The following NDC1 variants were observed in gnomAD, a reference collection of about 807,000 sequenced individuals.
NDC1 encodes the protein NDC1 transmembrane nucleoporin.
A neutral mutation model predicts 89.8 loss-of-function variants in NDC1; 24 were observed. That is an observed-to-expected ratio of 0.27 (90% CI 0.19 to 0.38). The LOEUF is 0.38. Among genes scored for constraint, NDC1 ranks in the 10% least tolerant of loss-of-function variants. NDC1 has a pLI of 1.00. For missense variants in NDC1, 728 were observed against 797.6 expected, an observed-to-expected ratio of 0.91 and a Z score of 1.05; for synonymous variants, 296 against 284.8, an observed-to-expected ratio of 1.04 and a Z score of -0.39.
chr1:53,768,602 T>G (rs994852504), intron 17 of NDC1, among the ~76,000 whole-genome samples: 4 of 152,180 alleles, frequency 2.6e-5, no homozygotes, highest in African/African-American at 9.7e-5. Flanking sequence ...CTTGATAAAA[T>G]TAGGGCAAAT....
rs189372893 is a variant in NDC1 at position 53,789,925 on chromosome 1, G to A, written c.1636-729C>T. Among the ~76,000 whole-genome samples, 91 of 151,918 alleles carry A rather than the reference G, an allele frequency of 6.0e-4. 1 individual carries two copies. The highest frequency in any genetic ancestry group is 9.7e-4 in the Non-Finnish European group (66 of 67,948). On this transcript the variant is annotated intron_variant, in intron 14 of 17. Transcript: ENST00000371429. The stretch of plus-strand genomic sequence containing the variant: ...TTGAGACCAGCCTGGCCAACATGCT[G>A]AAACCCCATCTCTACTAAAATACAA...
At chr1:53,818,698 C>T (rs533978071) in intron 6 of NDC1, among the ~76,000 whole-genome samples, 24 of 152,156 alleles carry the variant, frequency 1.6e-4, no homozygotes, top group African/African-American at 2.4e-4. Context: ...TTTCACTTAG[C>T]GTAATGTCCT....
chr1:53,823,639 T>G lies in NDC1; in HGVS notation c.594+2159A>C, dbSNP rs576297233. Among the ~76,000 whole-genome samples the G allele has an allele frequency of 2.5e-3, 381 of 152,310 alleles. 1 individual carries two copies. Among genetic ancestry groups the G allele is most frequent in the African/African-American group, 9.1e-3 (377 of 41,566 alleles). Reference sequence around the variant, plus strand: ...TCTCATTTTTCCCTAACACTTTCTTTTATTTTTAATATTCTTAATTTTGTT... The same window carrying G: ...TCTCATTTTTCCCTAACACTTTCTTGTATTTTTAATATTCTTAATTTTGTT... On this transcript the variant is annotated intron_variant, in intron 5 of 17. Transcript: ENST00000371429.
At chr1:53,835,743 T>G (rs1649209651) in intron 1 of NDC1, 123 bp from the exon 2 acceptor site, 1 of 750,590 alleles carries the variant, frequency 1.3e-6, no homozygotes, top group African/African-American at 1.8e-5. Context: ...ACTCAAACAT[T>G]CACTACTAGT....
Position 53,801,653 on chromosome 1 carries a change from C to T in NDC1, c.1067-805G>A, listed in dbSNP as rs76510207. On this transcript the variant is annotated intron_variant, in intron 10 of 17. Coordinates refer to ENST00000371429, the MANE Select transcript of NDC1 (RefSeq NM_018087.5). ...CCCCCATTGTAAAACTCAGGAATACCACTTAACCTACAAACACACACACAC... is the reference window on the plus strand; with the variant it reads ...CCCCCATTGTAAAACTCAGGAATACTACTTAACCTACAAACACACACACAC... Among the ~76,000 whole-genome samples, 994 of 152,258 alleles carry T rather than the reference C, an allele frequency of 6.5e-3. 15 individuals carry two copies. The highest frequency in any genetic ancestry group is 0.023 in the African/African-American group (940 of 41,554).
chr1:53,801,957 A>G (rs1647934595), intron 10 of NDC1, among the ~76,000 whole-genome samples: 1 of 152,138 alleles, frequency 6.6e-6, no homozygotes, highest in African/African-American at 2.4e-5. Context: ...GGGTTTCACC[A>G]TGTTGAAACT....
chr1:53,774,657 G>A (rs1647147002), intron 16 of NDC1, among the ~76,000 whole-genome samples: 2 of 152,174 alleles, frequency 1.3e-5, no homozygotes, highest in African/African-American at 4.8e-5. Flanking sequence ...GGGAGGCTGA[G>A]GCAGGAGGAC....
intron 14 of NDC1, among the ~76,000 whole-genome samples, chr1:53,791,181 C>A (rs529094143): frequency 1.3e-5 from 2 of 151,884 alleles, no homozygotes; most frequent in Non-Finnish European, 2.9e-5. Flanking sequence ...TTGTGATGTC[C>A]GGCCAGGCGA....
chr1:53,814,703 T>C (rs1408544322), intron 6 of NDC1, among the ~76,000 whole-genome samples: 1 of 152,022 alleles, frequency 6.6e-6, no homozygotes, highest in African/African-American at 2.4e-5. Context: ...GATAGACCAT[T>C]AGCAAGATTA....
chr1:53,785,916 T>C (rs1200146929), intron 16 of NDC1, among the ~76,000 whole-genome samples: 1 of 151,726 alleles, frequency 6.6e-6, no homozygotes, highest in Admixed American at 6.6e-5. Flanking sequence ...TTCATTTATT[T>C]ATTTATTTAT....
At chr1:53,816,400 A>C (rs539373896) in intron 6 of NDC1, among the ~76,000 whole-genome samples, 1 of 152,342 alleles carries the variant, frequency 6.6e-6, no homozygotes, top group South Asian at 2.1e-4. Context: ...AGCCACATGT[A>C]GAAGAATGAA....
chr1:53,774,713 A>G (rs1647147455), intron 16 of NDC1, among the ~76,000 whole-genome samples: 1 of 151,972 alleles, frequency 6.6e-6, no homozygotes, highest in Admixed American at 6.6e-5. Context: ...ACACAGAAAG[A>G]CTCTGTCACT....
chr1:53,838,172 G>A, intron 1 of NDC1, 33 bp downstream of exon 1: 2 of 1,524,126 alleles, frequency 1.3e-6, no homozygotes, highest in Non-Finnish European at 1.8e-6. Context: ...GCCCGACCCT[G>A]GCAGTGCGTG....
rs1648844166 is a variant in NDC1 at position 53,825,917 on chromosome 1, G to A, written c.475C>T (p.Gln159Ter). Residue 159 changes from glutamine (Q) to a stop codon, truncating the protein, a stop_gained, in exon 5 of 18, where the codon CAA (glutamine) becomes TAA (stop). Coordinates refer to ENST00000371429, the MANE Select transcript of NDC1 (RefSeq NM_018087.5). LOFTEE classifies it high-confidence loss of function. ...GTNSFGSPAA[Q>*]TCLNEYHLFF... ...AGATGATATTCATTTAAGCAGGTTT[G>A]CGCAGCAGGGCTACCAAAGCTGAAG... is the stretch of plus-strand genomic sequence containing the variant. The A allele has an allele frequency of 6.2e-7, 1 of 1,611,760 alleles. No homozygotes were observed. The highest frequency in any genetic ancestry group is 1.7e-5 in the Admixed American group (1 of 59,508).
Position 53,795,359 on chromosome 1 carries a change from C to T in NDC1, c.1584+1330G>A, listed in dbSNP as rs926663380. Among the ~76,000 whole-genome samples, 44 of 151,966 alleles carry T rather than the reference C, an allele frequency of 2.9e-4. No individual in the cohort carries two copies. In the Middle Eastern group the frequency reaches 0.017, roughly 59 times the overall value. Reference sequence around the variant, plus strand: ...AAACTTCCAAAGTTACATTTCTAGCCCAGAACTTTCCCCTACACTACCGCT... The same window carrying T: ...AAACTTCCAAAGTTACATTTCTAGCTCAGAACTTTCCCCTACACTACCGCT... On this transcript the variant is annotated intron_variant, in intron 13 of 17. Coordinates refer to ENST00000371429, the MANE Select transcript of NDC1 (RefSeq NM_018087.5).
intron 5 of NDC1, among the ~76,000 whole-genome samples, chr1:53,819,825 G>C (rs777716171): frequency 4.7e-4 from 71 of 152,122 alleles, no homozygotes; most frequent in Non-Finnish European, 8.5e-4. Context: ...TCCTTAGTGG[G>C]AACCTGAAAA....
chr1:53,788,687 A>C (rs1454905484), intron 15 of NDC1, among the ~76,000 whole-genome samples: 1 of 151,994 alleles, frequency 6.6e-6, no homozygotes, highest in East Asian at 1.9e-4. Context: ...TCTGCCTCCC[A>C]AAGTGCTGGG....
chr1:53,811,138 T>C (rs1438591845), intron 6 of NDC1, among the ~76,000 whole-genome samples: 1 of 152,134 alleles, frequency 6.6e-6, no homozygotes, highest in African/African-American at 2.4e-5. Flanking sequence ...CTGCACTCCC[T>C]AGCAGGCCAT....
At position 53,806,448 on chromosome 1, in the gene NDC1, T is replaced by C. The variant is rs1393095342; in HGVS notation, c.961A>G (p.Ser321Gly). 2.6e-5 allele frequency: 40 copies of C among 1,542,616 alleles called. No homozygotes were observed. The highest frequency in any genetic ancestry group is 3.5e-5 in the Non-Finnish European group (40 of 1,152,506). The change falls in exon 9 of 18, where the codon AGC becomes GGC. Residue 321 changes from serine (S) to glycine (G), a missense_variant. Coordinates refer to ENST00000371429, the MANE Select transcript of NDC1 (RefSeq NM_018087.5). The stretch of plus-strand genomic sequence containing the variant: ...ACCTTTATGATGGGGGGAGGATTGC[T>C]ATTTAACACTTTTGGAAGGCACTCA... The part of the protein sequence containing the change: ...SDECLPKVLN[S>G]NPPPIIKYLA...
Sources: allele counts gnomAD v4.1 joint callset (sites outside exome capture counted in the v4.1 genomes callset), GRCh38; gene constraint gnomAD v4.1.1; transcripts MANE v1.5; gene names NCBI Gene and HGNC (gene_info 2026-07-23, HGNC 2026-07-21).